Variants in DECR2 observed in about 807,000 individuals in gnomAD.
DECR2 encodes the protein 2,4-dienoyl-CoA reductase 2, also known as peroxisomal 2,4-dienoyl-CoA reductase [(3E)-enoyl-CoA-producing].
In DECR2, 34 loss-of-function variants were observed where a neutral mutation model predicts 29.2. That is an observed-to-expected ratio of 1.16 (90% CI 0.89 to 1.55). DECR2 has a LOEUF of 1.55. Ranked by LOEUF, DECR2 falls within the 40% of genes most tolerant of loss-of-function variation. The probability of loss-of-function intolerance (pLI) is 0.00; values close to 1 mark genes in which losing one functional copy is unlikely to be tolerated. For missense variants in DECR2, 485 were observed against 425.3 expected, an observed-to-expected ratio of 1.14 and a Z score of -1.23; for synonymous variants, 224 against 182.7, an observed-to-expected ratio of 1.23 and a Z score of -1.82.
rs1264725594 is a variant in DECR2 at position 410,683 on chromosome 16, T to A, written c.463-8T>A. On this transcript the variant is annotated splice_polypyrimidine_tract_variant and splice_region_variant and intron_variant, in intron 5 of 8. Coordinates refer to ENST00000219481, the MANE Select transcript of DECR2 (RefSeq NM_020664.4). The surrounding 1 kb of genome is among the most constrained non-coding windows in gnomAD (Gnocchi z 4.1). ...CCCGCTCACTGCCCCGGGCCTTGTGTGTTGCAGGACCACGGAGGGGTGATC... is the reference window on the plus strand; with the variant it reads ...CCCGCTCACTGCCCCGGGCCTTGTGAGTTGCAGGACCACGGAGGGGTGATC... 7 of 1,601,270 alleles carry A rather than the reference T, an allele frequency of 4.4e-6. No homozygotes were observed. The South Asian group carries it at 7.8e-5, about 18-fold the overall frequency.
chr16:407,168 T>C, intron 3 of DECR2: 1 of 1,297,784 alleles, frequency 7.7e-7, no homozygotes, highest in Non-Finnish European at 9.8e-7. Flanking sequence ...GGGCAGGACA[T>C]GGGTGACAGT....
In DECR2 at chr16:410,338, T is replaced by C. The variant is rs371859454; in HGVS notation, c.433T>C (p.Ser145Pro). The C allele has an allele frequency of 5.6e-6, 9 of 1,611,960 alleles. No homozygotes were observed. In the Middle Eastern group the frequency reaches 5.2e-4, roughly 93 times the overall value. ...DIDTSGTFNVSRVLYEKFFRD... is the reference protein window; with the variant it reads ...DIDTSGTFNVPRVLYEKFFRD... ...CGATACCAGCGGCACCTTCAATGTG[T>C]CTCGTGTGCTCTATGAGAAGTTCTT... The change falls in exon 5 of 9, where the codon TCT becomes CCT. Residue 145 changes from serine to proline, a missense_variant. Coordinates refer to ENST00000219481, the MANE Select transcript of DECR2 (RefSeq NM_020664.4). This position sits in a 1 kb window ranked among gnomAD's most constrained non-coding sequence, Gnocchi z 4.1.
Position 410,852 on chromosome 16 carries a change from A to ACGT in DECR2, c.556+68_556+69insCGT. The ACGT allele has an allele frequency of 6.6e-7, 1 of 1,506,524 alleles. No individual in the cohort carries two copies. The highest frequency in any genetic ancestry group is 9.0e-7 in the Non-Finnish European group (1 of 1,116,898). The allele number at this position is 1,506,524 out of a possible 1,614,324, so 93.3% of individuals were successfully genotyped here. ...CCAATGGGCCGTCTGCTTCCATCCC[A>ACGT]GGAGGCCAGCAGTCTCCACTTGAAG... On this transcript the variant is annotated intron_variant, in intron 6 of 8. Coordinates refer to ENST00000219481, the MANE Select transcript of DECR2 (RefSeq NM_020664.4). The surrounding 1 kb of genome is among the most constrained non-coding windows in gnomAD (Gnocchi z 4.1).
Position 408,307 on chromosome 16 carries a change from TTCTGTCTCTGGCCC to T in DECR2, c.337+770_337+783del, listed in dbSNP as rs557131369. Reference sequence around the variant, plus strand: ...CATCTCCGGCCCCCTGTCTCCGGGCTTCTGTCTCTGGCCCTCTGTCTCTGGCCCTCTGTCTCCAG... The same window carrying T: ...CATCTCCGGCCCCCTGTCTCCGGGCTTCTGTCTCTGGCCCTCTGTCTCCAG... On this transcript the variant is annotated intron_variant, in intron 4 of 8. Transcript: ENST00000219481. Among the ~76,000 whole-genome samples the T allele has an allele frequency of 3.6e-3, 509 of 140,548 alleles. 6 individuals carry two copies. The highest frequency in any genetic ancestry group is 4.0e-3 in the Non-Finnish European group (261 of 64,760). The allele number at this position is 140,548 out of a possible 152,430, so 92.2% of individuals were successfully genotyped here. A position where few individuals can be genotyped will look rare whatever the true frequency, so the allele number is the denominator to read the frequency against.
chr16:402,668 A>T (rs1163701317), intron 1 of DECR2, among the ~76,000 whole-genome samples: 2 of 151,596 alleles, frequency 1.3e-5, no homozygotes, highest in African/African-American at 4.8e-5. Context: ...TCAATTGGCA[A>T]CATTTTCAAG....
chr16:407,616 G>A (rs1345058909), intron 4 of DECR2, 56 bp downstream of exon 4: 11 of 1,603,598 alleles, frequency 6.9e-6, no homozygotes, highest in African/African-American at 1.3e-5. Flanking sequence ...GTACCATTTG[G>A]AGGCCCTAGA....
intron 3 of DECR2, chr16:407,059 G>C (rs1029208305): frequency 9.4e-7 from 1 of 1,065,808 alleles, no homozygotes; most frequent in South Asian, 3.8e-5. Context: ...AAAGACCTCT[G>C]GGCTCACCTG....
intron 4 of DECR2, 129 bp downstream of exon 4, chr16:407,689 A>G: frequency 6.9e-7 from 1 of 1,439,254 alleles, no homozygotes; most frequent in African/African-American, 1.4e-5. Flanking sequence ...GGTGGGCTGC[A>G]CCCCATCCAG....
chr16:411,797 G>C (rs1387652614), intron 8 of DECR2, 93 bp from the exon 9 acceptor site: 1 of 512,664 alleles, frequency 2.0e-6, no homozygotes, highest in Non-Finnish European at 3.4e-6. Flanking sequence ...GCCTCTGCCG[G>C]CATTTCTGGC....
In DECR2 at chr16:405,031, C is replaced by T; in HGVS notation, c.149+7C>T. 6.2e-7 allele frequency: 1 copy of T among 1,614,064 alleles called. No homozygotes were observed. Among genetic ancestry groups the T allele is most frequent in the Non-Finnish European group, 8.5e-7 (1 of 1,179,974 alleles). On this transcript the variant is annotated splice_region_variant and intron_variant, in intron 2 of 8. Coordinates refer to ENST00000219481, the MANE Select transcript of DECR2 (RefSeq NM_020664.4). ...TTGCTGAGATTTTCATGCGGTGAGA[C>T]TGCTCTGTGTCCCTTCCCTGCTCCT...
In DECR2 at chr16:411,203, A is replaced by G. The variant is rs2054814796; in HGVS notation, c.661+127A>G. ...CTGTGCTGGTTCCATGGTGGCAACT[A>G]TGTTCTGTGCCTGGCCTGATCCTGC... On this transcript the variant is annotated intron_variant, in intron 7 of 8. Transcript: ENST00000219481. The G allele has an allele frequency of 9.2e-6, 11 of 1,191,268 alleles. No homozygotes were observed. The South Asian group carries it at 1.7e-4, about 19-fold the overall frequency. The allele number at this position is 1,191,268 out of a possible 1,614,324, so 73.8% of individuals were successfully genotyped here. A position where few individuals can be genotyped will look rare whatever the true frequency, so the allele number is the denominator to read the frequency against.
chr16:406,521 G>A, intron 3 of DECR2, 124 bp downstream of exon 3: 1 of 930,744 alleles, frequency 1.1e-6, no homozygotes, highest in Non-Finnish European at 1.6e-6. Flanking sequence ...TTCTGAGACG[G>A]GAGTCTCGCT....
At chr16:411,231 C>A in intron 7 of DECR2, 130 bp from the exon 8 acceptor site, 1 of 1,176,442 alleles carries the variant, frequency 8.5e-7, no homozygotes, top group Non-Finnish European at 1.2e-6. Flanking sequence ...GATCCTGCTC[C>A]ATGCTAGGCC....
rs747251416 is a variant in DECR2 at position 410,350 on chromosome 16, T to C, written c.445T>C (p.Tyr149His). 1.9e-6 allele frequency: 3 copies of C among 1,609,834 alleles called. No homozygotes were observed. ...SGTFNVSRVLYEKFFRDHGGV... is the reference protein window; with the variant it reads ...SGTFNVSRVLHEKFFRDHGGV... ...CACCTTCAATGTGTCTCGTGTGCTC[T>C]ATGAGAAGTTCTTCCGGGTGGGTGC... Residue 149 changes from tyrosine to histidine, a missense_variant, in exon 5 of 9, where the codon TAT (tyrosine) becomes CAT (histidine). By Grantham distance (83) the Tyr-to-His change is moderately conservative. Coordinates refer to ENST00000219481, the MANE Select transcript of DECR2 (RefSeq NM_020664.4). The surrounding 1 kb of genome is among the most constrained non-coding windows in gnomAD (Gnocchi z 4.1).
intron 7 of DECR2, 120 bp downstream of exon 7, chr16:411,196 G>A (rs2054814707): frequency 8.3e-7 from 1 of 1,208,836 alleles, no homozygotes; most frequent in Non-Finnish European, 1.1e-6. Context: ...GTTCCATGGT[G>A]GCAACTATGT....
chr16:403,012 C>T (rs1421006984), intron 1 of DECR2: 2 of 984,476 alleles, frequency 2.0e-6, no homozygotes, highest in Non-Finnish European at 2.4e-6. Context: ...TTATGTTCTC[C>T]AAGGACAGGT....
At position 411,418 on chromosome 16, in the gene DECR2, G is replaced by A. The variant is rs1212334426; in HGVS notation, c.719G>A (p.Gly240Glu). 8.1e-6 allele frequency: 13 copies of A among 1,613,218 alleles called. No individual in the cohort carries two copies. The highest frequency in any genetic ancestry group is 9.3e-6 in the Non-Finnish European group (11 of 1,179,990). Reference sequence around the variant, plus strand: ...ACTGCCAGCCCGCTGCAGAGGCTGGGGAACAAGACCGAGATCGCCCACAGC... The same window carrying A: ...ACTGCCAGCCCGCTGCAGAGGCTGGAGAACAAGACCGAGATCGCCCACAGC... ...KVTASPLQRL[G>E]NKTEIAHSVL... The change falls in exon 8 of 9, where the codon GGG (glycine) becomes GAG (glutamate). Residue 240 changes from glycine to glutamate, a missense_variant. By Grantham distance (98) the Gly-to-Glu change is moderately conservative (BLOSUM62 -2). Coordinates refer to ENST00000219481, the MANE Select transcript of DECR2 (RefSeq NM_020664.4).
At chr16:409,904 A>C in intron 4 of DECR2, 1 of 273,374 alleles carries the variant, frequency 3.7e-6, no homozygotes, top group Non-Finnish European at 7.1e-6. Flanking sequence ...TTCCCTTGTT[A>C]TAAGGATGCT....
intron 3 of DECR2, chr16:407,219 G>C: frequency 7.2e-7 from 1 of 1,395,380 alleles, no homozygotes; most frequent in South Asian, 1.7e-5. Context: ...TAGGACAGGT[G>C]GCAGGTGGGG....
Sources: allele counts gnomAD v4.1 joint callset (sites outside exome capture counted in the v4.1 genomes callset), GRCh38; gene constraint gnomAD v4.1.1; non-coding constraint Gnocchi (gnomAD v3.1); transcripts MANE v1.5; gene names NCBI Gene and HGNC (gene_info 2026-07-23, HGNC 2026-07-21).